Variants in KDM4C observed in about 807,000 individuals in gnomAD.
KDM4C encodes the protein lysine demethylase 4C.
Under a neutral mutation model 129.3 loss-of-function variants are expected in KDM4C, and 81 were observed. The observed-to-expected ratio is 0.63, with a 90% CI of 0.52 to 0.75. The LOEUF is 0.75. KDM4C is among the 30% of genes least tolerant of loss of function. The pLI is 0.00. For missense variants in KDM4C, 1,457 were observed against 1,304.0 expected (o/e 1.12, Z -1.81); for synonymous variants, 573 against 456.1 (o/e 1.26, Z -3.26).
intron 4 of KDM4C, among the ~76,000 whole-genome samples, chr9:6,848,998 A>C (rs1479203015): frequency 6.6e-6 from 1 of 152,218 alleles, no homozygotes; most frequent in Non-Finnish European, 1.5e-5. Context: ...ACATGCTAAG[A>C]TTGAATGGAT....
intron 5 of KDM4C, among the ~76,000 whole-genome samples, chr9:6,868,025 A>C (rs1842316166): frequency 1.3e-5 from 2 of 152,190 alleles, no homozygotes; most frequent in South Asian, 4.1e-4. Context: ...TATACATGAA[A>C]GTTTCTGCAG....
At chr9:6,940,514 G>A (rs890522738) in intron 8 of KDM4C, among the ~76,000 whole-genome samples, 11 of 152,090 alleles carry the variant, frequency 7.2e-5, no homozygotes, top group Admixed American at 6.5e-4. Flanking sequence ...TATGCTAAAG[G>A]ATTAATAACA....
chr9:7,040,419 C>G (rs943906166), intron 15 of KDM4C, among the ~76,000 whole-genome samples: 9 of 133,154 alleles, frequency 6.8e-5, no homozygotes, highest in Admixed American at 2.4e-4. Flanking sequence ...GTGTATGTGT[C>G]TGTGTGTCTG....
intron 1 of KDM4C, among the ~76,000 whole-genome samples, chr9:6,724,208 G>T (rs1480661148): frequency 1.3e-5 from 2 of 152,156 alleles, no homozygotes; most frequent in Non-Finnish European, 2.9e-5. Flanking sequence ...ACAAGTGATG[G>T]TGACTGACAG....
intron 17 of KDM4C, among the ~76,000 whole-genome samples, chr9:7,078,114 T>A (rs990429952): frequency 3.3e-5 from 5 of 152,212 alleles, no homozygotes; most frequent in African/African-American, 1.2e-4. Flanking sequence ...TTTTAATGCA[T>A]TGGGAGAAGA....
At chr9:6,791,068 A>C (rs1826492793) in intron 1 of KDM4C, among the ~76,000 whole-genome samples, 1 of 152,134 alleles carries the variant, frequency 6.6e-6, no homozygotes, top group African/African-American at 2.4e-5. Context: ...CCTTCTTATA[A>C]GACTTAACTC....
At chr9:7,009,949 TATGTC>T (rs1161518809) in intron 12 of KDM4C, among the ~76,000 whole-genome samples, 5 of 152,322 alleles carry the variant, frequency 3.3e-5, no homozygotes, top group South Asian at 2.1e-4. Context: ...AAGAAAAAGA[TATGTC>T]ATGAAGGCAT....
intron 4 of KDM4C, among the ~76,000 whole-genome samples, chr9:6,840,122 G>T (rs1392254680): frequency 6.7e-6 from 1 of 150,082 alleles, no homozygotes; most frequent in Non-Finnish European, 1.5e-5. Flanking sequence ...ACCCAGGCTG[G>T]AGTGCAGTGC....
intron 1 of KDM4C, among the ~76,000 whole-genome samples, chr9:6,775,873 C>G (rs765844421): frequency 6.6e-6 from 1 of 152,056 alleles, no homozygotes; most frequent in Non-Finnish European, 1.5e-5. Flanking sequence ...TTGGTAATTC[C>G]TTGTTGTGGG....
chr9:6,998,457 A>C (rs1441854427), intron 12 of KDM4C, among the ~76,000 whole-genome samples: 2 of 152,200 alleles, frequency 1.3e-5, no homozygotes, highest in Admixed American at 6.5e-5. Context: ...AAATTTGATT[A>C]CTTCCTTAAA....
chr9:6,759,719 G>A (rs1819003634), intron 1 of KDM4C, among the ~76,000 whole-genome samples: 1 of 151,974 alleles, frequency 6.6e-6, no homozygotes, highest in Non-Finnish European at 1.5e-5. Flanking sequence ...TTGGGAGGCC[G>A]AGGCGGGTGT....
In KDM4C at chr9:6,739,545, T is replaced by C. The variant is rs141456539; in HGVS notation, c.49+18548T>C. 9.6e-3 allele frequency among the ~76,000 whole-genome samples: 1,459 copies of C among 152,230 alleles called. 18 individuals are homozygous for C. Among genetic ancestry groups the C allele is most frequent in the African/African-American group, 0.03 (1,234 of 41,532 alleles). On this transcript the variant is annotated intron_variant, in intron 1 of 17. Transcript: ENST00000536108. ...CATCAAATAACATTATCCAGTAAAG[T>C]AGCATTAAATGTGGTTACCCATTTG...
intron 8 of KDM4C, among the ~76,000 whole-genome samples, chr9:6,903,448 C>G (rs1037402738): frequency 6.6e-6 from 1 of 152,082 alleles, no homozygotes; most frequent in Non-Finnish European, 1.5e-5. Flanking sequence ...GTTCTCTTGG[C>G]AGGAATATGA....
chr9:6,849,500 A>G lies in KDM4C; in HGVS notation c.436-7A>G. ...ATTTCTCTCTCTTTTTTTCTCTCTCATTCCAGGGTGTGGATGAATGGAACA... is the reference window on the plus strand; with the variant it reads ...ATTTCTCTCTCTTTTTTTCTCTCTCGTTCCAGGGTGTGGATGAATGGAACA... On this transcript the variant is annotated splice_polypyrimidine_tract_variant and splice_region_variant and intron_variant, in intron 4 of 21. Transcript: ENST00000381309. 6.6e-7 allele frequency: 1 copy of G among 1,519,070 alleles called. No homozygotes were observed. The highest frequency in any genetic ancestry group is 8.9e-7 in the Non-Finnish European group (1 of 1,124,552). 94.1% of individuals were successfully genotyped at this position (1,519,070 alleles called of 1,614,324 possible).
chr9:6,883,081 A>G (rs1175008266), intron 6 of KDM4C, among the ~76,000 whole-genome samples: 1 of 152,220 alleles, frequency 6.6e-6, no homozygotes, highest in Non-Finnish European at 1.5e-5. Flanking sequence ...TGTCAAGAGA[A>G]TAGAAGAGCA....
intron 17 of KDM4C, chr9:7,076,293 A>G (rs1833904585): frequency 5.1e-6 from 3 of 583,206 alleles, no homozygotes; most frequent in Non-Finnish European, 9.1e-6. Context: ...AATGGTAAAC[A>G]GTTTATTCAA....
chr9:6,967,766 C>A (rs561469193), intron 8 of KDM4C, among the ~76,000 whole-genome samples: 6 of 152,116 alleles, frequency 3.9e-5, no homozygotes, highest in Non-Finnish European at 8.8e-5. Context: ...TCAGAAGATC[C>A]GGGATGATAC....
chr9:6,928,503 C>T (rs1823047330), intron 8 of KDM4C, among the ~76,000 whole-genome samples: 1 of 152,176 alleles, frequency 6.6e-6, no homozygotes, highest in African/African-American at 2.4e-5. Context: ...GTGTATCCTA[C>T]TTCCTCGTGG....
intron 8 of KDM4C, among the ~76,000 whole-genome samples, chr9:6,899,156 T>C (rs777298129): frequency 3.7e-4 from 57 of 152,212 alleles, no homozygotes; most frequent in Non-Finnish European, 6.5e-4. Flanking sequence ...TGCGCTCTTT[T>C]ATTTTTTTGC....
Sources: gnomAD v4.1 joint callset for allele counts (sites outside exome capture counted in the v4.1 genomes callset) on GRCh38, gnomAD v4.1.1 for gene constraint, MANE v1.5 for transcripts, NCBI Gene and HGNC (gene_info 2026-07-23, HGNC 2026-07-21) for gene names.